The following MYO16 variants were observed in gnomAD, a reference collection of about 807,000 sequenced individuals.
MYO16 encodes myosin XVI, also known as unconventional myosin-XVI.
Under a neutral mutation model 205.3 loss-of-function variants are expected in MYO16, and 94 were observed. The ratio of observed to expected loss-of-function variants is 0.46; its 90% CI spans 0.39 to 0.54. The LOEUF is 0.54. Ranked by LOEUF, MYO16 falls within the 20% of genes least tolerant of loss-of-function variation. The pLI is 0.00. For missense variants in MYO16, 2,315 were observed against 2,387.5 expected (o/e 0.97, Z 0.63); for synonymous variants, 988 against 954.0 (o/e 1.04, Z -0.66).
chr13:108,722,416 G>A (rs1884198035), intron 3 of MYO16, among the ~76,000 whole-genome samples: 1 of 152,194 alleles, frequency 6.6e-6, no homozygotes, highest in Admixed American at 6.5e-5. Flanking sequence ...TCAGACAAGA[G>A]TGACTAGAAA....
rs1027346053 is a variant in MYO16, at chr13:108,972,822, T to A, written c.2369+7920T>A. On this transcript the variant is annotated intron_variant, in intron 20 of 34. Transcript: ENST00000457511. The stretch of plus-strand genomic sequence containing the variant: ...CCACATGGGTTAGAAACAATGATAT[T>A]TCCTAAACGGTAGGGATTTTTTGTG... 5.9e-5 allele frequency among the ~76,000 whole-genome samples: 9 copies of A among 152,074 alleles called. 1 individual carries two copies. Among genetic ancestry groups the A allele is most frequent in the Admixed American group, 5.9e-4 (9 of 15,254 alleles).
chr13:108,509,909 C>T, the MYO16 span, among the ~76,000 whole-genome samples: 1 of 152,150 alleles, frequency 6.6e-6, no homozygotes, highest in Non-Finnish European at 1.5e-5. Context: ...TTGCTACAGT[C>T]ATGGTGCTGT....
rs1051837754 is a variant in MYO16, at chr13:109,127,089, C to T, written c.3783-193C>T. Among the ~76,000 whole-genome samples, 6 of 152,116 alleles carry T rather than the reference C, an allele frequency of 3.9e-5. No individual in the cohort carries two copies. The highest frequency in any genetic ancestry group is 2.0e-4 in the Admixed American group (3 of 15,272). On this transcript the variant is annotated intron_variant, in intron 30 of 34. Transcript: ENST00000457511. The surrounding 1 kb of genome is among the most constrained non-coding windows in gnomAD (Gnocchi z 4.2). ...GCTCATGTGCTTTTCATCACAAAGC[C>T]GGAGCCAGAGGACGGGTGGCCTTCT...
chr13:108,906,739 G>T (rs1298836455), intron 15 of MYO16, among the ~76,000 whole-genome samples: 1 of 152,164 alleles, frequency 6.6e-6, no homozygotes, highest in Non-Finnish European at 1.5e-5. Flanking sequence ...GCTTTAAGTG[G>T]TAGCATCTTC....
intron 22 of MYO16, among the ~76,000 whole-genome samples, chr13:109,016,917 C>T (rs546548741): frequency 9.2e-5 from 14 of 152,020 alleles, no homozygotes; most frequent in Non-Finnish European, 1.6e-4. Flanking sequence ...ACTCTTTATC[C>T]TGTTTGCCAG....
rs745727119 is a variant in MYO16, at chr13:109,140,545, G to A, written c.4333G>A (p.Asp1445Asn). The change falls in exon 32 of 35, where the codon GAT becomes AAT. Residue 1445 changes from aspartate to asparagine, a missense_variant. Physicochemically the swap from Asp to Asn is conservative, Grantham distance 23. Coordinates refer to ENST00000457511, the MANE Select transcript of MYO16 (RefSeq NM_001198950.3). The surrounding 1 kb of genome is among the most constrained non-coding windows in gnomAD (Gnocchi z 8.0). ...GATGCTGGGGCACGCGGCCAGGCCC[G>A]ATAGCCCGGACCCCGGGGAGTCCGT... Reference protein sequence around the residue: ...IEMLGHAARPDSPDPGESVYE... With the variant: ...IEMLGHAARPNSPDPGESVYE... 3 of 1,546,106 alleles carry A rather than the reference G, an allele frequency of 1.9e-6. No homozygotes were observed. Among genetic ancestry groups the A allele is most frequent in the African/African-American group, 2.8e-5 (2 of 71,842 alleles).
At chr13:108,972,949 C>T (rs72654066) in intron 20 of MYO16, among the ~76,000 whole-genome samples, 28,591 of 151,306 alleles carry the variant, frequency 0.19, 3,561 homozygotes, top group East Asian at 0.57. Context: ...AGTGCCTGAA[C>T]GAAGGAACTG....
At chr13:109,042,309 TG>T (rs1480448358) in intron 23 of MYO16, among the ~76,000 whole-genome samples, 1 of 152,244 alleles carries the variant, frequency 6.6e-6, no homozygotes, top group Non-Finnish European at 1.5e-5. Context: ...TGCATGTTTA[TG>T]TTGTGTATTT....
At chr13:108,586,340 ATT>A in the MYO16 span, among the ~76,000 whole-genome samples, 4 of 151,854 alleles carry the variant, frequency 2.6e-5, no homozygotes, top group African/African-American at 9.7e-5. Flanking sequence ...TTATTTGACT[ATT>A]TTTTTAAAAA....
intron 1 of MYO16, among the ~76,000 whole-genome samples, chr13:108,608,224 T>C (rs1879033505): frequency 6.6e-6 from 1 of 152,220 alleles, no homozygotes; most frequent in African/African-American, 2.4e-5. Context: ...CTTTACTGCA[T>C]GCATCAGGGC....
the MYO16 span, among the ~76,000 whole-genome samples, chr13:108,567,639 C>T: frequency 6.6e-6 from 1 of 152,032 alleles, no homozygotes; most frequent in South Asian, 2.1e-4. Context: ...CAATGTCATG[C>T]AGCACATTAA....
upstream of MYO16, chr13:108,629,543 G>T (rs1358503071): frequency 3.0e-6 from 1 of 328,104 alleles, no homozygotes; most frequent in Non-Finnish European, 5.7e-6. Flanking sequence ...ACACCAATTA[G>T]AGCTGACTAT....
chr13:108,930,841 T>C (rs1266246787), intron 16 of MYO16, among the ~76,000 whole-genome samples: 1 of 152,240 alleles, frequency 6.6e-6, no homozygotes, highest in Non-Finnish European at 1.5e-5. Flanking sequence ...GCATTTGCTC[T>C]ATACTGTATT....
chr13:109,036,123 T>C (rs989742396), intron 23 of MYO16, among the ~76,000 whole-genome samples: 7 of 152,212 alleles, frequency 4.6e-5, no homozygotes. Flanking sequence ...GAACTCACTA[T>C]TCCCCAGCTC....
chr13:109,078,910 C>G (rs1888198121), intron 27 of MYO16, among the ~76,000 whole-genome samples: 1 of 152,278 alleles, frequency 6.6e-6, no homozygotes. Context: ...CTAATCCACT[C>G]TGGTCGTCCT....
At chr13:109,172,203 GA>G (rs1878950784) in intron 33 of MYO16, among the ~76,000 whole-genome samples, 1 of 152,182 alleles carries the variant, frequency 6.6e-6, no homozygotes, top group Admixed American at 6.5e-5. Flanking sequence ...TCTTTATGGA[GA>G]TTGTACACCT....
intron 4 of MYO16, among the ~76,000 whole-genome samples, chr13:108,755,563 A>AC: frequency 6.6e-6 from 1 of 152,080 alleles, no homozygotes; most frequent in East Asian, 1.9e-4. Context: ...CAAAAAAAAA[A>AC]AAATCAAAGG....
chr13:108,941,114 CGAGT>C (rs544676241), intron 16 of MYO16, among the ~76,000 whole-genome samples: 1 of 152,014 alleles, frequency 6.6e-6, no homozygotes, highest in East Asian at 1.9e-4. Flanking sequence ...GAAACAAAAA[CGAGT>C]GAGACACAGG....
chr13:108,941,852 A>G (rs1376035166), intron 16 of MYO16, among the ~76,000 whole-genome samples: 1 of 152,180 alleles, frequency 6.6e-6, no homozygotes, highest in Non-Finnish European at 1.5e-5. Flanking sequence ...ACCTCACTGC[A>G]GCAATGAAAG....
Sources: gnomAD v4.1 joint callset for allele counts (sites outside exome capture counted in the v4.1 genomes callset) on GRCh38, gnomAD v4.1.1 for gene constraint, Gnocchi (gnomAD v3.1) non-coding constraint, MANE v1.5 for transcripts, NCBI Gene and HGNC (gene_info 2026-07-23, HGNC 2026-07-21) for gene names.